FBXW10B: variants seen among roughly 807,000 people sequenced by gnomAD.
The protein encoded by FBXW10B is F-box and WD repeat domain containing 10B.
chr17:15,601,491 G>A, the FBXW10B span, among the ~76,000 whole-genome samples: 16,038 of 150,792 alleles, frequency 0.11, 1,066 homozygotes, highest in African/African-American at 0.18. Context: ...AGTTTGGCAA[G>A]GATGCCAGAC....
At chr17:15,577,715 CT>C in the FBXW10B span, among the ~76,000 whole-genome samples, 9 of 152,260 alleles carry the variant, frequency 5.9e-5, 1 homozygote, top group African/African-American at 2.2e-4. Flanking sequence ...CAATTAAATG[CT>C]GTTTTCATTG....
the FBXW10B span, among the ~76,000 whole-genome samples, chr17:15,575,563 G>C: frequency 3.5e-4 from 52 of 147,588 alleles, no homozygotes; most frequent in East Asian, 9.7e-3. Context: ...GCTTTTCTCT[G>C]TACTTTCACT....
the FBXW10B span, chr17:15,593,642 T>G: frequency 9.6e-7 from 1 of 1,043,498 alleles, no homozygotes. Context: ...TTTTTTTTTT[T>G]TTTGAGATGG....
chr17:15,615,791 G>A, the FBXW10B span: 1 of 1,613,894 alleles, frequency 6.2e-7, no homozygotes, highest in South Asian at 1.1e-5. Context: ...ACACACATCT[G>A]TGATGTCTTG....
the FBXW10B span, chr17:15,596,697 T>C: frequency 6.3e-7 from 1 of 1,597,952 alleles, no homozygotes; most frequent in South Asian, 1.1e-5. Context: ...GACATGGGAG[T>C]GGGGAAAAAG....
chr17:15,589,686 A>G, the FBXW10B span, among the ~76,000 whole-genome samples: 1 of 152,148 alleles, frequency 6.6e-6, no homozygotes, highest in African/African-American at 2.4e-5. Flanking sequence ...GAAGTTTCAC[A>G]GTCTAATTAG....
At chr17:15,592,068 C>G in the FBXW10B span, among the ~76,000 whole-genome samples, 1 of 152,122 alleles carries the variant, frequency 6.6e-6, no homozygotes, top group African/African-American at 2.4e-5. Context: ...TAACTATAAA[C>G]AAGAAATGAA....
chr17:15,612,328 A>G, the FBXW10B span, among the ~76,000 whole-genome samples: 1 of 151,730 alleles, frequency 6.6e-6, no homozygotes, highest in Non-Finnish European at 1.5e-5. Flanking sequence ...TAACACGGTG[A>G]AACCCCGCCT....
At chr17:15,609,808 CCTGCTTCT>C in the FBXW10B span, among the ~76,000 whole-genome samples, 1 of 151,232 alleles carries the variant, frequency 6.6e-6, no homozygotes, top group Admixed American at 6.6e-5. Flanking sequence ...TACTGTTTCA[CCTGCTTCT>C]CTGCTTCTCT....
At chr17:15,609,852 CT>C in the FBXW10B span, among the ~76,000 whole-genome samples, 8,073 of 103,052 alleles carry the variant, frequency 0.078, 101 homozygotes, top group Middle Eastern at 0.12. Context: ...TTCTTTCTTT[CT>C]TTTTTTTTTT....
At chr17:15,600,901 A>C in the FBXW10B span, among the ~76,000 whole-genome samples, 26 of 146,882 alleles carry the variant, frequency 1.8e-4, no homozygotes, top group African/African-American at 6.1e-4. Flanking sequence ...ACAAAAAAAC[A>C]TTAGCCAGGC....
the FBXW10B span, among the ~76,000 whole-genome samples, chr17:15,577,580 T>C: frequency 6.6e-6 from 1 of 152,252 alleles, no homozygotes; most frequent in Non-Finnish European, 1.5e-5. Flanking sequence ...CTATCACTTG[T>C]AGCCAATTAA....
At chr17:15,593,805 A>G in the FBXW10B span, among the ~76,000 whole-genome samples, 1 of 151,676 alleles carries the variant, frequency 6.6e-6, no homozygotes, top group South Asian at 2.1e-4. Context: ...ATTTTTTTGT[A>G]TTTAGTAGAG....
At chr17:15,591,564 A>C in the FBXW10B span, among the ~76,000 whole-genome samples, 3 of 152,200 alleles carry the variant, frequency 2.0e-5, no homozygotes, top group Non-Finnish European at 2.9e-5. Flanking sequence ...CTGGAATTAC[A>C]AGCACGAGCC....
At chr17:15,595,349 T>C in the FBXW10B span, among the ~76,000 whole-genome samples, 2 of 147,632 alleles carry the variant, frequency 1.4e-5, no homozygotes. Context: ...AAAAAATAAA[T>C]AAAGAAAAAA....
the FBXW10B span, among the ~76,000 whole-genome samples, chr17:15,570,296 G>A: frequency 3.3e-5 from 5 of 152,232 alleles, no homozygotes; most frequent in Admixed American, 6.5e-5. Flanking sequence ...TCAAGATAGA[G>A]AGACACGCTG....
At chr17:15,573,284 G>A in the FBXW10B span, 5 of 152,288 alleles carry the variant, frequency 3.3e-5, no homozygotes, top group South Asian at 1.0e-3. Context: ...GTTTAGCCAG[G>A]CTGCCGATGC....
the FBXW10B span, among the ~76,000 whole-genome samples, chr17:15,601,888 A>G: frequency 7.3e-3 from 1,114 of 152,214 alleles, 6 homozygotes; most frequent in East Asian, 0.024. Flanking sequence ...CGAGGCGGGC[A>G]AATCACGAGG....
the FBXW10B span, chr17:15,589,371 C>A: frequency 1.1e-6 from 1 of 909,644 alleles, no homozygotes; most frequent in Non-Finnish European, 1.7e-6. Context: ...AAGAAAGTAC[C>A]TGAAGCTATG....
Sources: gnomAD v4.1 joint callset for allele counts (sites outside exome capture counted in the v4.1 genomes callset) on GRCh38, gnomAD v4.1.1 for gene constraint, MANE v1.5 for transcripts, NCBI Gene and HGNC (gene_info 2026-07-23, HGNC 2026-07-21) for gene names.